Variants in SMYD3 observed in about 807,000 individuals in gnomAD.
SMYD3 encodes histone-lysine N-methyltransferase SMYD3.
A neutral mutation model predicts 57.7 loss-of-function variants in SMYD3; 36 were observed. The ratio of observed to expected loss-of-function variants is 0.62; its 90% CI spans 0.48 to 0.82. The LOEUF (loss-of-function observed/expected upper bound fraction) is 0.82, where lower values mean the gene tolerates loss of function less well. SMYD3 is among the 40% of genes least tolerant of loss of function. SMYD3 has a pLI of 0.00. For missense variants in SMYD3, 515 were observed against 538.8 expected, an observed-to-expected ratio of 0.96 and a Z score of 0.44; for synonymous variants, 211 against 195.0, an observed-to-expected ratio of 1.08 and a Z score of -0.68.
At chr1:246,490,893 A>G (rs2068258606) in intron 1 of SMYD3, among the ~76,000 whole-genome samples, 1 of 152,320 alleles carries the variant, frequency 6.6e-6, no homozygotes, top group East Asian at 1.9e-4. Flanking sequence ...TGGTCTTTTA[A>G]AAAGATCAAT....
At chr1:245,840,089 A>T (rs548822145) in intron 10 of SMYD3, among the ~76,000 whole-genome samples, 1 of 152,336 alleles carries the variant, frequency 6.6e-6, no homozygotes, top group African/African-American at 2.4e-5. Flanking sequence ...AACATGTGAT[A>T]ACCAGCACTT....
intron 1 of SMYD3, among the ~76,000 whole-genome samples, chr1:246,496,113 C>T (rs376268355): frequency 2.0e-5 from 3 of 151,818 alleles, no homozygotes; most frequent in Non-Finnish European, 1.5e-5. Flanking sequence ...CTCAACTCCC[C>T]GTAACCTCTG....
chr1:246,343,121 A>T (rs2065657766), intron 2 of SMYD3, among the ~76,000 whole-genome samples: 1 of 152,232 alleles, frequency 6.6e-6, no homozygotes, highest in Non-Finnish European at 1.5e-5. Flanking sequence ...TAAAATATTT[A>T]CTATATAGTT....
At chr1:246,101,723 G>A (rs571028996) in intron 5 of SMYD3, among the ~76,000 whole-genome samples, 1 of 152,274 alleles carries the variant, frequency 6.6e-6, no homozygotes, top group East Asian at 1.9e-4. Context: ...CAACACAACA[G>A]TTCAAGGAAT....
chr1:246,181,572 C>T (rs2062551762), intron 5 of SMYD3, among the ~76,000 whole-genome samples: 1 of 152,226 alleles, frequency 6.6e-6, no homozygotes, highest in Admixed American at 6.5e-5. Context: ...ATCTCCTCTA[C>T]ACAAAAACAC....
rs34227372 is a variant in SMYD3, at chr1:246,348,948, G to A, written c.228+6083C>T. Among the ~76,000 whole-genome samples the A allele has an allele frequency of 4.0e-3, 611 of 151,828 alleles. 7 individuals carry two copies. The highest frequency in any genetic ancestry group is 6.8e-3 in the Middle Eastern group (2 of 292). On this transcript the variant is annotated intron_variant, in intron 2 of 11. Transcript: ENST00000490107. ...AGAGAGTGGAATGAAATAAAGTACTGAGAGAAAAAAAAATTACTAATCTAG... is the reference window on the plus strand; with the variant it reads ...AGAGAGTGGAATGAAATAAAGTACTAAGAGAAAAAAAAATTACTAATCTAG...
At position 246,507,142 on chromosome 1, in the gene SMYD3, G is replaced by C. The variant is rs1053726418; in HGVS notation, c.76C>G (p.Pro26Ala). 6.5e-7 allele frequency: 1 copy of C among 1,533,890 alleles called. No homozygotes were observed. The highest frequency in any genetic ancestry group is 8.8e-7 in the Non-Finnish European group (1 of 1,140,354). The change falls in exon 1 of 12, where the codon CCC becomes GCC. Residue 26 changes from proline (P) to alanine (A), a missense_variant. By Grantham distance (27) the Pro-to-Ala change is conservative. Coordinates refer to ENST00000490107, the MANE Select transcript of SMYD3 (RefSeq NM_001167740.2). ...TCCGAGCGGAAGAGTAGCTCTCCGG[G>C]GCGCAGCGGGGTCACGGCGCGCAGC... ...NGLRAVTPLR[P>A]GELLFRSDPL...
At chr1:245,865,928 C>T (rs901480210) in intron 8 of SMYD3, among the ~76,000 whole-genome samples, 2 of 152,192 alleles carry the variant, frequency 1.3e-5, no homozygotes, top group Non-Finnish European at 2.9e-5. Context: ...ATCCATGAGA[C>T]TTTCAACGGG....
intron 10 of SMYD3, among the ~76,000 whole-genome samples, chr1:245,823,466 T>G (rs1002918214): frequency 6.6e-6 from 1 of 152,204 alleles, no homozygotes; most frequent in African/African-American, 2.4e-5. Flanking sequence ...CCCAAACATC[T>G]GAAGTCAGCG....
chr1:246,413,967 A>G (rs1192903804), intron 1 of SMYD3, among the ~76,000 whole-genome samples: 1 of 152,246 alleles, frequency 6.6e-6, no homozygotes, highest in African/African-American at 2.4e-5. Flanking sequence ...CGAATTAAAT[A>G]TCTTCTTTTG....
intron 1 of SMYD3, among the ~76,000 whole-genome samples, chr1:246,401,769 C>T (rs1042321155): frequency 6.7e-6 from 1 of 149,584 alleles, no homozygotes; most frequent in Non-Finnish European, 1.5e-5. Flanking sequence ...GTTGCCCAGA[C>T]TGGAGTGCAA....
chr1:245,755,270 T>G (rs1558303148), intron 11 of SMYD3, among the ~76,000 whole-genome samples: 1 of 152,248 alleles, frequency 6.6e-6, no homozygotes, highest in Non-Finnish European at 1.5e-5. Flanking sequence ...TACTTTGTAT[T>G]AACTTGAATC....
chr1:245,837,909 G>A (rs1448165035), intron 10 of SMYD3, among the ~76,000 whole-genome samples: 1 of 152,208 alleles, frequency 6.6e-6, no homozygotes, highest in African/African-American at 2.4e-5. Context: ...AATTTTCAAA[G>A]AAGAAAGGAA....
intron 5 of SMYD3, among the ~76,000 whole-genome samples, chr1:246,252,232 G>A (rs1409861288): frequency 6.7e-6 from 1 of 149,606 alleles, no homozygotes; most frequent in Non-Finnish European, 1.5e-5. Context: ...CGGACACTGC[G>A]CCCGGCTTTA....
intron 5 of SMYD3, among the ~76,000 whole-genome samples, chr1:245,955,174 T>C (rs368438282): frequency 8.4e-4 from 128 of 152,258 alleles, no homozygotes; most frequent in Admixed American, 2.5e-3. Flanking sequence ...TCACTGCAAG[T>C]TCCGCCTCCC....
chr1:245,849,604 A>C (rs138421021), intron 10 of SMYD3, among the ~76,000 whole-genome samples: 243 of 152,166 alleles, frequency 1.6e-3, no homozygotes, highest in African/African-American at 5.7e-3. Context: ...TCTGATTTGA[A>C]ATTAGGAGCT....
intron 5 of SMYD3, among the ~76,000 whole-genome samples, chr1:245,979,424 TAG>T (rs2058540869): frequency 6.6e-6 from 1 of 152,122 alleles, no homozygotes; most frequent in Non-Finnish European, 1.5e-5. Flanking sequence ...AAGATCACAC[TAG>T]AGAGTAAGTA....
intron 5 of SMYD3, among the ~76,000 whole-genome samples, chr1:245,969,597 G>A (rs2058244086): frequency 6.6e-6 from 1 of 152,160 alleles, no homozygotes. Flanking sequence ...AGTGGTTTGA[G>A]GAAATCCAAA....
intron 5 of SMYD3, among the ~76,000 whole-genome samples, chr1:246,210,584 C>T (rs1236440630): frequency 6.6e-6 from 1 of 151,946 alleles, no homozygotes; most frequent in African/African-American, 2.4e-5. Flanking sequence ...GTTGCGGGCA[C>T]CTGTAATCTC....
Sources: allele counts gnomAD v4.1 joint callset (sites outside exome capture counted in the v4.1 genomes callset), GRCh38; gene constraint gnomAD v4.1.1; transcripts MANE v1.5; gene names NCBI Gene and HGNC (gene_info 2026-07-23, HGNC 2026-07-21).